PDPR: variants seen among roughly 807,000 people sequenced by gnomAD.
PDPR encodes the protein pyruvate dehydrogenase phosphatase regulatory subunit, mitochondrial.
A neutral mutation model predicts 102.2 loss-of-function variants in PDPR; 50 were observed. The ratio of observed to expected loss-of-function variants is 0.49; its 90% CI spans 0.39 to 0.62. The LOEUF is 0.62. Ranked by LOEUF, PDPR falls within the 20% of genes least tolerant of loss-of-function variation. PDPR has a pLI of 0.00. For missense variants in PDPR, 625 were observed against 1,098.2 expected (o/e 0.57, Z 6.09); for synonymous variants, 259 against 406.0 (o/e 0.64, Z 4.35).
At chr16:70,126,925 A>G (rs1263117089) in intron 3 of PDPR, among the ~76,000 whole-genome samples, 65 of 152,156 alleles carry the variant, frequency 4.3e-4, no homozygotes, top group Non-Finnish European at 1.3e-4. Context: ...GCTCACTGCA[A>G]CCTCTACCTT....
intron 3 of PDPR, among the ~76,000 whole-genome samples, chr16:70,122,685 G>T (rs1597298263): frequency 6.6e-6 from 1 of 152,366 alleles, no homozygotes; most frequent in East Asian, 1.9e-4. Flanking sequence ...CACCTACCGG[G>T]CTTAGCATCC....
chr16:70,126,666 A>G (rs1964007285), intron 3 of PDPR, among the ~76,000 whole-genome samples: 1 of 152,222 alleles, frequency 6.6e-6, no homozygotes, highest in Non-Finnish European at 1.5e-5. Flanking sequence ...CTCAGCCTTT[A>G]TTTTTATTTG....
intron 9 of PDPR, among the ~76,000 whole-genome samples, chr16:70,132,828 T>C (rs1964681350): frequency 6.6e-6 from 1 of 152,270 alleles, no homozygotes; most frequent in African/African-American, 2.4e-5. Context: ...TTTGTGTGTG[T>C]GTGAGATGGC....
Position 70,156,531 on chromosome 16 carries a change from TA to T in PDPR, c.2295del (p.Lys765AsnfsTer15). 6.2e-7 allele frequency: 1 copy of T among 1,614,064 alleles called. No homozygotes were observed. Among genetic ancestry groups the T allele is most frequent in the Non-Finnish European group, 8.5e-7 (1 of 1,179,904 alleles). On this transcript the variant is annotated frameshift_variant, in exon 19 of 19. Transcript: ENST00000288050. LOFTEE classifies it high-confidence loss of function. Reference sequence around the variant, plus strand: ...TGCAGCAGAAGCAGAATGGAGTGTATAAACGCCTCACCATGTTCATCCTGGA... The same window carrying T: ...TGCAGCAGAAGCAGAATGGAGTGTATAACGCCTCACCATGTTCATCCTGGA... ...LLQQKQNGVY[K>X]RLTMFILDDH...
intron 2 of PDPR, chr16:70,120,152 T>C (rs892084792): frequency 3.7e-6 from 1 of 271,134 alleles, no homozygotes; most frequent in African/African-American, 2.2e-5. Context: ...CCTGACCTCG[T>C]TATCCACTCG....
chr16:70,132,904 G>T (rs771089498), intron 9 of PDPR, among the ~76,000 whole-genome samples: 2 of 152,170 alleles, frequency 1.3e-5, no homozygotes, highest in African/African-American at 4.8e-5. Context: ...CCTCAAATTC[G>T]TGAGCTCAAG....
intron 18 of PDPR, among the ~76,000 whole-genome samples, chr16:70,155,654 T>C (rs538995671): frequency 6.6e-6 from 1 of 152,366 alleles, no homozygotes; most frequent in African/African-American, 2.4e-5. Context: ...CCTCCCAAAG[T>C]GCTGGGATTA....
intron 2 of PDPR, among the ~76,000 whole-genome samples, chr16:70,118,579 T>C (rs530173385): frequency 7.6e-4 from 116 of 152,278 alleles, no homozygotes; most frequent in African/African-American, 2.7e-3. Context: ...TGTGTTGCCA[T>C]TGGGACAGAG....
intron 17 of PDPR, among the ~76,000 whole-genome samples, chr16:70,149,876 C>A (rs534906518): frequency 1.3e-5 from 2 of 152,080 alleles, no homozygotes; most frequent in African/African-American, 4.8e-5. Context: ...CTGCAAGCTC[C>A]GCCTCCCGGG....
At chr16:70,147,324 A>C (rs1966317862) in intron 16 of PDPR, among the ~76,000 whole-genome samples, 2 of 152,008 alleles carry the variant, frequency 1.3e-5, no homozygotes, top group South Asian at 2.1e-4. Context: ...CTAAATGTAA[A>C]GTCTTTATGC....
intron 3 of PDPR, among the ~76,000 whole-genome samples, chr16:70,126,677 T>C (rs1323392495): frequency 6.6e-6 from 1 of 152,116 alleles, no homozygotes; most frequent in Non-Finnish European, 1.5e-5. Flanking sequence ...TTTTTATTTG[T>C]TTATTTATTT....
Position 70,146,127 on chromosome 16 carries a change from C to G in PDPR, c.1868-7C>G. ...GAGCTGGACATCTCTTGTTCTTTTCCATTTAGCCCTCAATCTGATTGGCCC... is the reference window on the plus strand; with the variant it reads ...GAGCTGGACATCTCTTGTTCTTTTCGATTTAGCCCTCAATCTGATTGGCCC... On this transcript the variant is annotated splice_polypyrimidine_tract_variant and splice_region_variant and intron_variant, in intron 15 of 18. Coordinates refer to ENST00000288050, the MANE Select transcript of PDPR (RefSeq NM_017990.5). 6.2e-7 allele frequency: 1 copy of G among 1,612,038 alleles called. No homozygotes were observed. Among genetic ancestry groups the G allele is most frequent in the East Asian group, 2.2e-5 (1 of 44,852 alleles).
In PDPR at chr16:70,161,032, C is replaced by T. The variant is rs1967733948; in HGVS notation, c.*4153C>T. 1 of 152,680 alleles carries T rather than the reference C, an allele frequency of 6.5e-6. No homozygotes were observed. The highest frequency in any genetic ancestry group is 1.5e-5 in the Non-Finnish European group (1 of 68,318). The allele number at this position is 152,680 out of a possible 1,614,324, so 9.5% of individuals were successfully genotyped here. The stretch of plus-strand genomic sequence containing the variant: ...GGAGGAATTTGCGTTGGCTTGCTTT[C>T]AGGGGTTAGCTACAAGATTCAGCTT... On this transcript the variant is annotated 3_prime_UTR_variant, in exon 19 of 19. Coordinates refer to ENST00000288050, the MANE Select transcript of PDPR (RefSeq NM_017990.5).
At chr16:70,115,957 C>T (rs1441930426) in intron 2 of PDPR, among the ~76,000 whole-genome samples, 1 of 152,054 alleles carries the variant, frequency 6.6e-6, no homozygotes, top group Non-Finnish European at 1.5e-5. Context: ...GGCAAAGGCA[C>T]TAGACTCTGG....
chr16:70,123,565 T>C (rs571686936), intron 3 of PDPR, among the ~76,000 whole-genome samples: 1 of 152,264 alleles, frequency 6.6e-6, no homozygotes, highest in Non-Finnish European at 1.5e-5. Context: ...TGTCAAAGTC[T>C]TTCTCCTATT....
At chr16:70,129,598 C>T (rs1358677015) in intron 6 of PDPR, among the ~76,000 whole-genome samples, 1 of 152,274 alleles carries the variant, frequency 6.6e-6, no homozygotes, top group Non-Finnish European at 1.5e-5. Context: ...ATCCACCTGC[C>T]TCGGCCTCCC....
intron 17 of PDPR, among the ~76,000 whole-genome samples, chr16:70,149,976 G>A (rs1231439976): frequency 1.3e-5 from 2 of 151,870 alleles, no homozygotes; most frequent in Non-Finnish European, 2.9e-5. Context: ...ATTTTTCATA[G>A]AGACGGGGTT....
At chr16:70,121,699 A>G (rs1483972189) in intron 3 of PDPR, among the ~76,000 whole-genome samples, 1 of 152,324 alleles carries the variant, frequency 6.6e-6, no homozygotes, top group African/African-American at 2.4e-5. Context: ...CAAAAAAAAA[A>G]AAAAAGAATA....
chr16:70,139,485 T>G (rs1388394532), intron 11 of PDPR, among the ~76,000 whole-genome samples: 1 of 152,260 alleles, frequency 6.6e-6, no homozygotes, highest in Non-Finnish European at 1.5e-5. Flanking sequence ...CGAGTTATTC[T>G]CAGAGCTTCA....
Sources: gnomAD v4.1 joint callset for allele counts (sites outside exome capture counted in the v4.1 genomes callset) on GRCh38, gnomAD v4.1.1 for gene constraint, MANE v1.5 for transcripts, NCBI Gene and HGNC (gene_info 2026-07-23, HGNC 2026-07-21) for gene names.